PCDH15: variants seen among roughly 807,000 people sequenced by gnomAD.
The protein encoded by PCDH15 is protocadherin-15.
A neutral mutation model predicts 178.5 loss-of-function variants in PCDH15; 129 were observed. The observed-to-expected ratio is 0.72, with a 90% CI of 0.63 to 0.84. The LOEUF (loss-of-function observed/expected upper bound fraction) is 0.84, where lower values mean the gene tolerates loss of function less well. Among genes scored for constraint, PCDH15 ranks in the 40% least tolerant of loss-of-function variants. The pLI is 0.00. For missense variants in PCDH15, 2,230 were observed against 2,099.9 expected, an observed-to-expected ratio of 1.06 and a Z score of -1.21; for synonymous variants, 800 against 732.0, an observed-to-expected ratio of 1.09 and a Z score of -1.50.
intron 2 of PCDH15, among the ~76,000 whole-genome samples, chr10:54,967,231 C>T (rs1838814270): frequency 6.6e-6 from 1 of 151,982 alleles, no homozygotes; most frequent in Admixed American, 6.6e-5. Flanking sequence ...GGATCAACTT[C>T]ATATATGTGG....
Position 54,399,134 on chromosome 10 carries a change from C to A in PCDH15, c.158-20192G>T, listed in dbSNP as rs969221886. Among the ~76,000 whole-genome samples the A allele has an allele frequency of 1.1e-4, 17 of 152,038 alleles. 1 individual carries two copies. The highest frequency in any genetic ancestry group is 8.5e-4 in the Admixed American group (13 of 15,232). ...TTCTTTTTAGAAACCATTTTGAATA[C>A]ATAATCACATACATGTAACAGAACA... On this transcript the variant is annotated intron_variant, in intron 3 of 37. Transcript: ENST00000644397.
intron 2 of PCDH15, among the ~76,000 whole-genome samples, chr10:54,912,174 A>G (rs1954830218): frequency 6.6e-6 from 1 of 152,112 alleles, no homozygotes; most frequent in African/African-American, 2.4e-5. Flanking sequence ...ATTTTCATAT[A>G]TATATTTATA....
intron 2 of PCDH15, among the ~76,000 whole-genome samples, chr10:55,377,945 A>T (rs1315389011): frequency 6.6e-6 from 1 of 152,120 alleles, no homozygotes; most frequent in African/African-American, 2.4e-5. Context: ...CTCTCAGCAA[A>T]CTGACACAGG....
intron 1 of PCDH15, among the ~76,000 whole-genome samples, chr10:55,237,110 C>T (rs1259759532): frequency 6.6e-6 from 1 of 152,044 alleles, no homozygotes; most frequent in Non-Finnish European, 1.5e-5. Context: ...AAATCATTTT[C>T]TCAGTAATTC....
chr10:54,509,338 G>C (rs1275822961), intron 3 of PCDH15, among the ~76,000 whole-genome samples: 1 of 151,904 alleles, frequency 6.6e-6, no homozygotes, highest in African/African-American at 2.4e-5. Context: ...GTTTTATAAG[G>C]GTTTCCCCTT....
intron 2 of PCDH15, among the ~76,000 whole-genome samples, chr10:55,061,871 T>G (rs1841443785): frequency 6.6e-6 from 1 of 152,138 alleles, no homozygotes. Context: ...AATACAAAAC[T>G]TAGCTGGACA....
At chr10:55,455,393 C>T (rs1283697146) in intron 2 of PCDH15, among the ~76,000 whole-genome samples, 1 of 151,916 alleles carries the variant, frequency 6.6e-6, no homozygotes, top group Admixed American at 6.6e-5. Flanking sequence ...TTCAAGATTA[C>T]AATTCAGATC....
intron 11 of PCDH15, among the ~76,000 whole-genome samples, chr10:54,191,493 G>C (rs1326663149): frequency 1.3e-5 from 2 of 152,130 alleles, no homozygotes; most frequent in Non-Finnish European, 2.9e-5. Flanking sequence ...ACAAGCAGTT[G>C]CCAAATGTTA....
intron 2 of PCDH15, among the ~76,000 whole-genome samples, chr10:55,000,386 T>C (rs1377354660): frequency 6.6e-6 from 1 of 152,226 alleles, no homozygotes; most frequent in Non-Finnish European, 1.5e-5. Context: ...CCTGGCTCAC[T>C]GGTGGTCAGA....
intron 15 of PCDH15, among the ~76,000 whole-genome samples, chr10:54,107,134 C>T (rs1007154537): frequency 3.9e-5 from 6 of 152,062 alleles, no homozygotes; most frequent in Non-Finnish European, 5.9e-5. Flanking sequence ...GAATCAATAG[C>T]ATTGATAGAA....
intron 21 of PCDH15, among the ~76,000 whole-genome samples, chr10:53,980,077 C>T (rs1204240983): frequency 6.6e-6 from 1 of 150,738 alleles, no homozygotes; most frequent in Non-Finnish European, 1.5e-5. Context: ...AAAAATTAGT[C>T]TGGCATCGTG....
intron 3 of PCDH15, among the ~76,000 whole-genome samples, chr10:54,885,596 T>G (rs887207230): frequency 1.3e-5 from 2 of 152,092 alleles, no homozygotes; most frequent in African/African-American, 4.8e-5. Context: ...CAACAAGTAG[T>G]AAACGTAGTA....
At chr10:54,958,776 T>A (rs1000951197) in intron 2 of PCDH15, among the ~76,000 whole-genome samples, 14 of 151,134 alleles carry the variant, frequency 9.3e-5, no homozygotes, top group Non-Finnish European at 1.3e-4. Context: ...CAAAAAAAAA[T>A]ACCCCACTCT....
intron 3 of PCDH15, among the ~76,000 whole-genome samples, chr10:54,436,048 GAGA>G (rs2075382642): frequency 1.5e-5 from 2 of 133,646 alleles, no homozygotes; most frequent in African/African-American, 6.7e-5. Flanking sequence ...GAGAGAGAGA[GAGA>G]AAAGAAAGAA....
chr10:55,343,103 T>C (rs189450576), intron 2 of PCDH15, among the ~76,000 whole-genome samples: 174 of 152,304 alleles, frequency 1.1e-3, no homozygotes, highest in African/African-American at 4.1e-3. Flanking sequence ...CCTGGACTTA[T>C]GCACAATTTT....
intron 21 of PCDH15, among the ~76,000 whole-genome samples, chr10:53,985,704 A>G (rs1466863656): frequency 1.3e-5 from 2 of 151,678 alleles, no homozygotes; most frequent in African/African-American, 2.4e-5. Context: ...CACCTTCCTG[A>G]CTCCCTACTA....
At chr10:54,261,513 G>A (rs1215470709) in intron 8 of PCDH15, among the ~76,000 whole-genome samples, 1 of 151,962 alleles carries the variant, frequency 6.6e-6, no homozygotes, top group Non-Finnish European at 1.5e-5. Context: ...AAATGTTTAG[G>A]TTCATTAGAA....
intron 2 of PCDH15, among the ~76,000 whole-genome samples, chr10:55,014,143 C>T (rs947146244): frequency 6.6e-6 from 1 of 151,936 alleles, no homozygotes; most frequent in African/African-American, 2.4e-5. Context: ...AGTAGTTCTG[C>T]ATTTAAAAGT....
chr10:54,799,386 T>C (rs866147457), intron 1 of PCDH15, among the ~76,000 whole-genome samples: 10 of 152,162 alleles, frequency 6.6e-5, no homozygotes, highest in African/African-American at 1.9e-4. Context: ...TTAGTGTTTT[T>C]TAAAACTATA....
Sources: allele counts gnomAD v4.1 joint callset (sites outside exome capture counted in the v4.1 genomes callset), GRCh38; gene constraint gnomAD v4.1.1; transcripts MANE v1.5; gene names NCBI Gene and HGNC (gene_info 2026-07-23, HGNC 2026-07-21).